PRR5: variants seen among roughly 807,000 people sequenced by gnomAD.
The protein encoded by PRR5 is proline rich 5.
In PRR5, 25 loss-of-function variants were observed where a neutral mutation model predicts 30.6. That is an observed-to-expected ratio of 0.82 (90% CI 0.60 to 1.14). PRR5 has a LOEUF of 1.14. PRR5 is among the 50% of genes most tolerant of loss of function. The pLI, the probability that PRR5 is intolerant of heterozygous loss-of-function variation, is 0.00. For synonymous variants in PRR5, 286 were observed against 247.1 expected, an observed-to-expected ratio of 1.16 and a Z score of -1.48; for missense variants, 600 against 547.1, an observed-to-expected ratio of 1.10 and a Z score of -0.96.
chr22:44,679,209 C>T (rs1924040635), intron 1 of PRR5: 1 of 152,030 alleles, frequency 6.6e-6, no homozygotes, highest in Non-Finnish European at 1.5e-5. Context: ...GGCTTGTGTT[C>T]TTAGGATGCT....
chr22:44,688,373 G>A (rs899200429), intron 1 of PRR5, among the ~76,000 whole-genome samples: 1 of 152,044 alleles, frequency 6.6e-6, no homozygotes, highest in African/African-American at 2.4e-5. Flanking sequence ...TACAGAGCGA[G>A]ACTTCGTCTC....
At chr22:44,684,526 A>C (rs1924575308) in intron 1 of PRR5, among the ~76,000 whole-genome samples, 1 of 152,184 alleles carries the variant, frequency 6.6e-6, no homozygotes, top group Non-Finnish European at 1.5e-5. Context: ...CAGCCTGGGC[A>C]ACAGAGCGAG....
At chr22:44,678,459 C>T (rs1923966614) in intron 1 of PRR5, among the ~76,000 whole-genome samples, 2 of 151,808 alleles carry the variant, frequency 1.3e-5, no homozygotes, top group South Asian at 2.1e-4. Context: ...GGATTACAGG[C>T]GCCCGCCACC....
chr22:44,727,191 G>A (rs1009276568), intron 4 of PRR5, among the ~76,000 whole-genome samples: 2 of 152,178 alleles, frequency 1.3e-5, no homozygotes, highest in African/African-American at 4.8e-5. Flanking sequence ...AGGTCTGCCT[G>A]ACTTTAGGGC....
rs752089370 is a variant in PRR5 at position 44,726,562 on chromosome 22, T to C, written c.265-15T>C. On this transcript the variant is annotated splice_polypyrimidine_tract_variant and intron_variant, in intron 3 of 7. Transcript: ENST00000336985. ...TCCACAAGGGCGGTGACAGCCCCTCTGTGTTTACCTTCAGAACCAGCTGCT... is the reference window on the plus strand; with the variant it reads ...TCCACAAGGGCGGTGACAGCCCCTCCGTGTTTACCTTCAGAACCAGCTGCT... The C allele has an allele frequency of 3.7e-6, 6 of 1,614,018 alleles. No homozygotes were observed. The highest frequency in any genetic ancestry group is 5.1e-6 in the Non-Finnish European group (6 of 1,180,020).
chr22:44,735,229 T>C, intron 7 of PRR5, 67 bp downstream of exon 7: 1 of 1,506,264 alleles, frequency 6.6e-7, no homozygotes, highest in African/African-American at 1.4e-5. Context: ...TGTGAACAAA[T>C]GGGCAAGCCG....
chr22:44,684,131 A>C (rs1280910052), intron 1 of PRR5, among the ~76,000 whole-genome samples: 1 of 152,122 alleles, frequency 6.6e-6, no homozygotes, highest in Non-Finnish European at 1.5e-5. Context: ...TTTTCAGTTA[A>C]ACAAGCCACC....
upstream of PRR5, among the ~76,000 whole-genome samples, chr22:44,698,942 G>A (rs1054179471): frequency 3.3e-5 from 5 of 152,258 alleles, no homozygotes; most frequent in African/African-American, 1.2e-4. Flanking sequence ...CCCCGCAGCT[G>A]TGCCCTCTCT....
At position 44,726,614 on chromosome 22, in the gene PRR5, A is replaced by G; in HGVS notation, c.302A>G (p.Asp101Gly). 1.2e-6 allele frequency: 2 copies of G among 1,614,112 alleles called. No individual in the cohort carries two copies. Among genetic ancestry groups the G allele is most frequent in the Non-Finnish European group, 1.7e-6 (2 of 1,180,026 alleles). The change falls in exon 4 of 8, where the codon GAC (aspartate) becomes GGC (glycine). Residue 101 changes from aspartate (D) to glycine (G), a missense_variant. By Grantham distance (94) the Asp-to-Gly change is moderately conservative (BLOSUM62 -1). Transcript: ENST00000336985. ...ACAAAAGGCATGGTGATCCTTCGGG[A>G]CAAGATTCGCTTCTATGAGGGTGAG... is the stretch of plus-strand genomic sequence containing the variant. ...LLTKGMVILR[D>G]KIRFYEGQKL...
chr22:44,734,945 G>A, intron 6 of PRR5, 82 bp from the exon 7 acceptor site: 1 of 1,473,736 alleles, frequency 6.8e-7, no homozygotes, highest in South Asian at 1.2e-5. Flanking sequence ...AGGCTGTCTG[G>A]TGGGTGGGAC....
rs988274031 is a variant in PRR5 at position 44,702,345 on chromosome 22, C to G, written c.-130C>G. ...GGGCCGGGGCGGGACCCCGCAGGACCGCTCGGCTTCCTGCTCTCGCCGGAG... is the reference window on the plus strand; with the variant it reads ...GGGCCGGGGCGGGACCCCGCAGGACGGCTCGGCTTCCTGCTCTCGCCGGAG... On this transcript the variant is annotated 5_prime_UTR_variant, in exon 1 of 8. Transcript: ENST00000336985. The G allele has an allele frequency of 8.5e-7, 1 of 1,174,326 alleles. No individual in the cohort carries two copies. The highest frequency in any genetic ancestry group is 1.6e-5 in the African/African-American group (1 of 61,710). The allele number at this position is 1,174,326 out of a possible 1,614,324, so 72.7% of individuals were successfully genotyped here. A position where few individuals can be genotyped will look rare whatever the true frequency, so the allele number is the denominator to read the frequency against.
intron 1 of PRR5, chr22:44,679,904 G>C (rs1365676662): frequency 1.3e-6 from 2 of 1,561,768 alleles, no homozygotes; most frequent in African/African-American, 2.7e-5. Flanking sequence ...GTGCCGAAGG[G>C]TGGCTACGAG....
At chr22:44,670,859 A>G (rs983044213) in intron 1 of PRR5, among the ~76,000 whole-genome samples, 1 of 152,170 alleles carries the variant, frequency 6.6e-6, no homozygotes, top group Admixed American at 6.5e-5. Flanking sequence ...AAAGAGGAAC[A>G]CCAGCCCCTC....
intron 2 of PRR5, among the ~76,000 whole-genome samples, chr22:44,724,527 T>C (rs1476798074): frequency 6.6e-6 from 1 of 152,188 alleles, no homozygotes; most frequent in Non-Finnish European, 1.5e-5. Context: ...TGGGAGGTCA[T>C]ATCTGGGGCC....
chr22:44,724,665 G>A (rs1369724913), intron 2 of PRR5, among the ~76,000 whole-genome samples: 1 of 152,104 alleles, frequency 6.6e-6, no homozygotes. Context: ...CAAGGTGGAG[G>A]TTCAGATCTC....
chr22:44,697,061 G>A (rs1480295027), intron 1 of PRR5, among the ~76,000 whole-genome samples: 5 of 152,200 alleles, frequency 3.3e-5, no homozygotes, highest in Non-Finnish European at 7.3e-5. Context: ...TCAGATGGCA[G>A]AGCTAGGAAG....
intron 1 of PRR5, 132 bp from the exon 2 acceptor site, chr22:44,714,459 G>A (rs1056875540): frequency 7.9e-7 from 1 of 1,273,090 alleles, no homozygotes; most frequent in African/African-American, 1.5e-5. Context: ...AGTTGAAGTG[G>A]GTGTGAGCAG....
chr22:44,726,757 G>A, intron 4 of PRR5, 123 bp downstream of exon 4: 1 of 1,445,350 alleles, frequency 6.9e-7, no homozygotes, highest in South Asian at 1.2e-5. Context: ...CGGAGGGCTT[G>A]GAAGGAACAC....
In PRR5 at chr22:44,702,205, G is replaced by A. The variant is rs1926415195; in HGVS notation, c.-270G>A. The A allele has an allele frequency of 1.4e-5, 15 of 1,073,758 alleles. No homozygotes were observed. Among genetic ancestry groups the A allele is most frequent in the Middle Eastern group, 8.1e-4 (2 of 2,458 alleles). The allele number at this position is 1,073,758 out of a possible 1,614,324, so 66.5% of individuals were successfully genotyped here. A position where few individuals can be genotyped will look rare whatever the true frequency, so the allele number is the denominator to read the frequency against. On this transcript the variant is annotated 5_prime_UTR_variant, in exon 1 of 8. Transcript: ENST00000336985. ...GGGCCCGCCCCCGGGTCCGCCCCCG[G>A]CCTCCGTTTGCGCCGGGTCTGTGCT...
Sources: gnomAD v4.1 joint callset for allele counts (sites outside exome capture counted in the v4.1 genomes callset) on GRCh38, gnomAD v4.1.1 for gene constraint, MANE v1.5 for transcripts, NCBI Gene and HGNC (gene_info 2026-07-23, HGNC 2026-07-21) for gene names.